The following TEAD1 variants were observed in gnomAD, a reference collection of about 807,000 sequenced individuals.
TEAD1 encodes the protein transcriptional enhancer factor TEF-1.
A neutral mutation model predicts 54.9 loss-of-function variants in TEAD1; 9 were observed. That is an observed-to-expected ratio of 0.16 (90% CI 0.10 to 0.29). The LOEUF (loss-of-function observed/expected upper bound fraction) is 0.29, where lower values mean the gene tolerates loss of function less well. Ranked by LOEUF, TEAD1 falls within the 10% of genes least tolerant of loss-of-function variation. The pLI, the probability that TEAD1 is intolerant of heterozygous loss-of-function variation, is 1.00. For missense variants in TEAD1, 387 were observed against 535.9 expected, an observed-to-expected ratio of 0.72 and a Z score of 2.74; for synonymous variants, 200 against 187.8, an observed-to-expected ratio of 1.07 and a Z score of -0.53.
chr11:12,911,719 A>G (rs887254767), intron 10 of TEAD1, among the ~76,000 whole-genome samples: 2 of 143,520 alleles, frequency 1.4e-5, no homozygotes, highest in African/African-American at 2.6e-5. Context: ...AGGCCCTGCT[A>G]TTGTAAGCAC....
Position 12,932,880 on chromosome 11 carries a change from T to A in TEAD1, c.1167+2554T>A, listed in dbSNP as rs1046528438. ...AAGTGCCCTATATAGGTGAACTACTTTTTACCTTTTATACCATATTTTTAC... is the reference window on the plus strand; with the variant it reads ...AAGTGCCCTATATAGGTGAACTACTATTTACCTTTTATACCATATTTTTAC... On this transcript the variant is annotated intron_variant, in intron 12 of 12. Coordinates refer to ENST00000527636, the MANE Select transcript of TEAD1 (RefSeq NM_021961.6). Among the ~76,000 whole-genome samples, 4 of 152,090 alleles carry A rather than the reference T, an allele frequency of 2.6e-5. No individual in the cohort carries two copies. The South Asian group carries it at 8.3e-4, about 31-fold the overall frequency.
chr11:12,780,443 C>T (rs1945519082), intron 3 of TEAD1, among the ~76,000 whole-genome samples: 1 of 151,926 alleles, frequency 6.6e-6, no homozygotes, highest in South Asian at 2.1e-4. Context: ...ATGGTTTCAC[C>T]ACATTGGCCA....
At chr11:12,747,893 C>T (rs540693072) in intron 2 of TEAD1, among the ~76,000 whole-genome samples, 1 of 152,124 alleles carries the variant, frequency 6.6e-6, no homozygotes, top group South Asian at 2.1e-4. Context: ...GATTCTAAAA[C>T]TCAGTATTCT....
intron 3 of TEAD1, among the ~76,000 whole-genome samples, chr11:12,804,511 G>A (rs1181318333): frequency 6.6e-6 from 1 of 152,204 alleles, no homozygotes; most frequent in African/African-American, 2.4e-5. Context: ...AAGAACTATG[G>A]TCTGAACTGC....
At chr11:12,908,908 G>A (rs1948570841) in intron 10 of TEAD1, among the ~76,000 whole-genome samples, 2 of 84,322 alleles carry the variant, frequency 2.4e-5, no homozygotes, top group African/African-American at 9.7e-5. Context: ...AGACAGTGTT[G>A]CTCTGCTGCC....
intron 5 of TEAD1, among the ~76,000 whole-genome samples, chr11:12,874,344 C>G (rs1947813079): frequency 6.6e-6 from 1 of 152,110 alleles, no homozygotes; most frequent in African/African-American, 2.4e-5. Flanking sequence ...GTGAGATGTC[C>G]TTGAGTTTTA....
intron 3 of TEAD1, among the ~76,000 whole-genome samples, chr11:12,769,104 T>C (rs1009621089): frequency 2.0e-5 from 3 of 152,096 alleles, no homozygotes; most frequent in Non-Finnish European, 4.4e-5. Flanking sequence ...ATTGACTTTC[T>C]CCTTTTGCAA....
At chr11:12,863,337 C>T (rs1448427571) in intron 4 of TEAD1, among the ~76,000 whole-genome samples, 2 of 152,128 alleles carry the variant, frequency 1.3e-5, no homozygotes, top group African/African-American at 4.8e-5. Flanking sequence ...GCAGAGGCAG[C>T]GCATTGTCTG....
intron 2 of TEAD1, among the ~76,000 whole-genome samples, chr11:12,690,740 T>G (rs930524382): frequency 2.0e-5 from 3 of 152,204 alleles, no homozygotes; most frequent in African/African-American, 7.2e-5. Context: ...TTTTGCAAAC[T>G]GGTGGTTCTC....
In TEAD1 at chr11:12,897,732, T is replaced by A. The variant is rs80245643; in HGVS notation, c.700-4208T>A. Among the ~76,000 whole-genome samples, 837 of 152,360 alleles carry A rather than the reference T, an allele frequency of 5.5e-3. 12 individuals are homozygous for A. Among genetic ancestry groups the A allele is most frequent in the African/African-American group, 0.019 (790 of 41,578 alleles). ...AGAAACCTTTGTGGACTCTATCTGA[T>A]GCATTTGTGAATCATGTTTGTCACT... On this transcript the variant is annotated intron_variant, in intron 9 of 12. Coordinates refer to ENST00000527636, the MANE Select transcript of TEAD1 (RefSeq NM_021961.6).
chr11:12,691,865 G>A (rs1390030394), intron 2 of TEAD1, among the ~76,000 whole-genome samples: 1 of 152,110 alleles, frequency 6.6e-6, no homozygotes, highest in Non-Finnish European at 1.5e-5. Flanking sequence ...GTACTCATCT[G>A]TTTCAATAAA....
chr11:12,783,457 G>C (rs568183221), intron 3 of TEAD1, among the ~76,000 whole-genome samples: 39 of 152,208 alleles, frequency 2.6e-4, no homozygotes, highest in African/African-American at 8.9e-4. Flanking sequence ...AGGGAGGAAG[G>C]TTCTCTGCTA....
At chr11:12,911,694 T>A (rs1056562311) in intron 10 of TEAD1, among the ~76,000 whole-genome samples, 3 of 151,488 alleles carry the variant, frequency 2.0e-5, no homozygotes, top group Non-Finnish European at 4.4e-5. Context: ...TTTTTTTTTT[T>A]AATTATCTCT....
At chr11:12,757,232 C>G (rs952747232) in intron 2 of TEAD1, among the ~76,000 whole-genome samples, 16 of 152,172 alleles carry the variant, frequency 1.1e-4, no homozygotes, top group African/African-American at 3.4e-4. Flanking sequence ...GTTTGCTTTA[C>G]CATTTGTCAC....
rs528535428 is a variant in TEAD1 at position 12,722,448 on chromosome 11, C to G, written c.-54-41731C>G. Among the ~76,000 whole-genome samples the G allele has an allele frequency of 2.5e-4, 38 of 152,288 alleles. No homozygotes were observed. In the South Asian group the frequency reaches 6.4e-3, roughly 26 times the overall value. On this transcript the variant is annotated intron_variant, in intron 2 of 12. Coordinates refer to ENST00000527636, the MANE Select transcript of TEAD1 (RefSeq NM_021961.6). ...ATAGGTCATCCGGTAACATCCCTTTCCTCATCAGCCTGCCTTGCTAGGTGG... is the reference window on the plus strand; with the variant it reads ...ATAGGTCATCCGGTAACATCCCTTTGCTCATCAGCCTGCCTTGCTAGGTGG...
intron 3 of TEAD1, among the ~76,000 whole-genome samples, chr11:12,856,272 C>T (rs1301176421): frequency 6.6e-6 from 1 of 152,058 alleles, no homozygotes; most frequent in African/African-American, 2.4e-5. Flanking sequence ...AGAAGAGATC[C>T]ATGTCATTGG....
intron 3 of TEAD1, among the ~76,000 whole-genome samples, chr11:12,843,902 A>T (rs973769918): frequency 1.3e-5 from 2 of 152,224 alleles, no homozygotes; most frequent in Non-Finnish European, 2.9e-5. Context: ...CACGAAGCCT[A>T]ATATTAAAGG....
intron 2 of TEAD1, among the ~76,000 whole-genome samples, chr11:12,751,388 A>G (rs1229236380): frequency 5.9e-5 from 9 of 152,090 alleles, no homozygotes; most frequent in African/African-American, 1.9e-4. Context: ...AATCATTCCT[A>G]TGCGGTGAGT....
At chr11:12,757,679 C>T (rs1416942017) in intron 2 of TEAD1, among the ~76,000 whole-genome samples, 1 of 152,262 alleles carries the variant, frequency 6.6e-6, no homozygotes, top group African/African-American at 2.4e-5. Flanking sequence ...GTAGCTGAAA[C>T]ACTTCCTTTT....
Sources: gnomAD v4.1 joint callset for allele counts (sites outside exome capture counted in the v4.1 genomes callset) on GRCh38, gnomAD v4.1.1 for gene constraint, MANE v1.5 for transcripts, NCBI Gene and HGNC (gene_info 2026-07-23, HGNC 2026-07-21) for gene names.